TLK2: variants seen among roughly 807,000 people sequenced by gnomAD.
TLK2 encodes the protein tousled like kinase 2.
A neutral mutation model predicts 117.3 loss-of-function variants in TLK2; 6 were observed. That is an observed-to-expected ratio of 0.05 (90% CI 0.03 to 0.10). The LOEUF is 0.10. TLK2 is among the 10% of genes least tolerant of loss of function. The probability of loss-of-function intolerance (pLI) is 1.00; values close to 1 mark genes in which losing one functional copy is unlikely to be tolerated. For synonymous variants in TLK2, 257 were observed against 316.7 expected (o/e 0.81, Z 2.00); for missense variants, 299 against 901.2 (o/e 0.33, Z 8.56).
chr17:62,602,635 A>G (rs776078846), intron 19 of TLK2, among the ~76,000 whole-genome samples: 6 of 152,180 alleles, frequency 3.9e-5, no homozygotes, highest in Non-Finnish European at 7.4e-5. Context: ...AAACATAACT[A>G]TAGCGCATAT....
rs1283838287 is a variant in TLK2, at chr17:62,600,736, C to T, written c.1636C>T (p.Arg546Trp). 6.2e-7 allele frequency: 1 copy of T among 1,613,154 alleles called. No individual in the cohort carries two copies. The highest frequency in any genetic ancestry group is 1.3e-5 in the African/African-American group (1 of 74,828). ...QHKLMSEKEA[R>W]SIIMQIVNAL... Reference sequence around the variant, plus strand: ...CAAATTAATGTCGGAGAAAGAGGCCCGGTCCATTATCATGCAGATTGTGAA... The same window carrying T: ...CAAATTAATGTCGGAGAAAGAGGCCTGGTCCATTATCATGCAGATTGTGAA... Residue 546 changes from arginine (R) to tryptophan (W), a missense_variant, in exon 18 of 22, where the codon CGG (arginine) becomes TGG (tryptophan). Arg to Trp is a moderately radical substitution (Grantham distance 101). This residue lies in a region of TLK2 where 81 missense variants were observed against 370.9 expected (regional missense o/e 0.22). Transcript: ENST00000346027.
chr17:62,478,414 C>T (rs2071171404), upstream of TLK2, among the ~76,000 whole-genome samples: 1 of 150,248 alleles, frequency 6.7e-6, no homozygotes, highest in Non-Finnish European at 1.5e-5. Flanking sequence ...CCGGCCCAAC[C>T]GCCCCGGCCC....
At chr17:62,477,297 C>A (rs769098897), upstream of TLK2, among the ~76,000 whole-genome samples, 4 of 152,228 alleles carry the variant, frequency 2.6e-5, no homozygotes, top group South Asian at 8.3e-4. Flanking sequence ...ACCCCCAACC[C>A]GCGAGCTGCT....
At chr17:62,560,262 T>G in intron 10 of TLK2, 136 bp downstream of exon 10, 2 of 646,850 alleles carry the variant, frequency 3.1e-6, no homozygotes, top group Non-Finnish European at 2.4e-6. Flanking sequence ...ACAATTAGAA[T>G]TTTTTCCTTA....
intron 7 of TLK2, among the ~76,000 whole-genome samples, chr17:62,539,445 A>G (rs555875288): frequency 4.7e-5 from 6 of 128,644 alleles, no homozygotes; most frequent in Admixed American, 3.1e-4. Context: ...TCATTTATCT[A>G]CCTTCATTTT....
chr17:62,498,950 C>T (rs1369240822), intron 2 of TLK2, among the ~76,000 whole-genome samples: 1 of 152,148 alleles, frequency 6.6e-6, no homozygotes, highest in Non-Finnish European at 1.5e-5. Context: ...GCAGCCTCAA[C>T]CTCCAGGGCT....
intron 2 of TLK2, among the ~76,000 whole-genome samples, chr17:62,518,989 A>G (rs1477250565): frequency 6.6e-6 from 1 of 152,154 alleles, no homozygotes; most frequent in Non-Finnish European, 1.5e-5. Flanking sequence ...GGCTCAAGCG[A>G]TCTGCCCACC....
chr17:62,527,000 C>T (rs1000990404), intron 6 of TLK2, among the ~76,000 whole-genome samples: 7 of 152,210 alleles, frequency 4.6e-5, no homozygotes, highest in African/African-American at 1.2e-4. Flanking sequence ...TGCTTCCCAT[C>T]GTCCACCTGA....
intron 16 of TLK2, 54 bp from the exon 17 acceptor site, chr17:62,596,531 G>A: frequency 7.6e-7 from 1 of 1,323,120 alleles, no homozygotes; most frequent in African/African-American, 1.4e-5. Context: ...TCTTTGAAGA[G>A]TTCTAAAAGG....
At chr17:62,541,057 T>C (rs2077494557) in intron 7 of TLK2, among the ~76,000 whole-genome samples, 1 of 152,142 alleles carries the variant, frequency 6.6e-6, no homozygotes, top group South Asian at 2.1e-4. Flanking sequence ...CCTAACATTC[T>C]TCACCCATAT....
chr17:62,547,475 G>A (rs1041212068), intron 7 of TLK2, among the ~76,000 whole-genome samples: 7 of 151,664 alleles, frequency 4.6e-5, no homozygotes, highest in Non-Finnish European at 8.8e-5. Context: ...TTTCTCTAAC[G>A]GATCTGAGCA....
chr17:62,560,291 C>T lies in TLK2; in HGVS notation c.831+165C>T, dbSNP rs2079161746. 9.2e-6 allele frequency: 4 copies of T among 432,534 alleles called. No individual in the cohort carries two copies. In the South Asian group the frequency reaches 1.6e-4, roughly 18 times the overall value. 26.8% of individuals were successfully genotyped at this position (432,534 alleles called of 1,614,324 possible). On this transcript the variant is annotated intron_variant, in intron 10 of 21. Coordinates refer to ENST00000346027, the MANE Select transcript of TLK2 (RefSeq NM_006852.6). ...TTCCTTACATGGACACCAGACCAACCATCCAGAGTGTTAATTTGGGATATG... is the reference window on the plus strand; with the variant it reads ...TTCCTTACATGGACACCAGACCAACTATCCAGAGTGTTAATTTGGGATATG...
At chr17:62,502,453 A>AGT (rs1324350705) in intron 2 of TLK2, among the ~76,000 whole-genome samples, 1 of 152,218 alleles carries the variant, frequency 6.6e-6, no homozygotes, top group Non-Finnish European at 1.5e-5. Context: ...ATGGTAAAAG[A>AGT]GTGAATGCTT....
At chr17:62,527,345 GATTC>G (rs2076431624) in intron 6 of TLK2, among the ~76,000 whole-genome samples, 1 of 150,842 alleles carries the variant, frequency 6.6e-6, no homozygotes, top group African/African-American at 2.5e-5. Flanking sequence ...TTTTTTTGTT[GATTC>G]ATATTTATAC....
chr17:62,523,329 A>G, intron 5 of TLK2, 152 bp downstream of exon 5: 1 of 1,131,652 alleles, frequency 8.8e-7, no homozygotes, highest in Non-Finnish European at 1.2e-6. Context: ...TTGTAATCCC[A>G]GCACTTTGGG....
intron 10 of TLK2, among the ~76,000 whole-genome samples, chr17:62,562,128 T>C (rs1197694620): frequency 6.6e-6 from 1 of 151,812 alleles, no homozygotes; most frequent in Non-Finnish European, 1.5e-5. Flanking sequence ...GGGAGGCCAA[T>C]GAGGGTGGAT....
At chr17:62,480,528 A>T (rs748019094) in intron 1 of TLK2, among the ~76,000 whole-genome samples, 1 of 152,222 alleles carries the variant, frequency 6.6e-6, no homozygotes, top group Non-Finnish European at 1.5e-5. Context: ...GAGTGAATGG[A>T]GGTGGATGGT....
chr17:62,494,325 C>T (rs923439877), intron 2 of TLK2, among the ~76,000 whole-genome samples: 11 of 152,266 alleles, frequency 7.2e-5, no homozygotes, highest in African/African-American at 2.6e-4. Flanking sequence ...TCAAGTGATC[C>T]ACCCGCCTTG....
intron 2 of TLK2, among the ~76,000 whole-genome samples, chr17:62,487,291 C>CAAAA (rs556542076): frequency 1.4e-5 from 1 of 69,342 alleles, no homozygotes; most frequent in Admixed American, 1.6e-4. Flanking sequence ...GACTCTGTCT[C>CAAAA]AAAAAAAAAA....
Sources: allele counts gnomAD v4.1 joint callset (sites outside exome capture counted in the v4.1 genomes callset), GRCh38; gene constraint gnomAD v4.1.1; regional missense constraint gnomAD v4.1.1; transcripts MANE v1.5; gene names NCBI Gene and HGNC (gene_info 2026-07-23, HGNC 2026-07-21).